The following GRK3 variants were observed in gnomAD, a reference collection of about 807,000 sequenced individuals.
GRK3 encodes G protein-coupled receptor kinase 3, also known as adrenergic, beta, receptor kinase 2.
In GRK3, 54 loss-of-function variants were observed where a neutral mutation model predicts 95.7. The observed-to-expected ratio is 0.56, with a 90% confidence interval of 0.45 to 0.71. The LOEUF is 0.71. Among genes scored for constraint, GRK3 ranks in the 30% least tolerant of loss-of-function variants. The pLI, the probability that GRK3 is intolerant of heterozygous loss-of-function variation, is 0.00. For synonymous variants in GRK3, 281 were observed against 290.8 expected, an observed-to-expected ratio of 0.97 and a Z score of 0.34; for missense variants, 649 against 851.2, an observed-to-expected ratio of 0.76 and a Z score of 2.96.
rs2146484690 is a variant in GRK3, at chr22:25,727,065, A to T, written c.*4615A>T. ...ACAAATCCACTGAAGTCCTGGTAAA[A>T]CTGTCAAGAGTAACAGGCCTCTTCT... On this transcript the variant is annotated 3_prime_UTR_variant, in exon 21 of 21. Transcript: ENST00000324198. 6.6e-6 allele frequency: 1 copy of T among 152,182 alleles called. No homozygotes were observed. Among genetic ancestry groups the T allele is most frequent in the African/African-American group, 2.4e-5 (1 of 41,464 alleles). 9.4% of individuals were successfully genotyped at this position (152,182 alleles called of 1,614,324 possible).
chr22:25,674,824 C>CTA, intron 8 of GRK3, among the ~76,000 whole-genome samples: 1 of 152,230 alleles, frequency 6.6e-6, no homozygotes, highest in African/African-American at 2.4e-5. Context: ...TGGCGGGCGC[C>CTA]TATAGTCCCA....
At chr22:25,611,053 G>T (rs1005933850) in intron 2 of GRK3, among the ~76,000 whole-genome samples, 2 of 152,122 alleles carry the variant, frequency 1.3e-5, no homozygotes, top group Non-Finnish European at 2.9e-5. Context: ...GTAGAGACAA[G>T]GTCTCACTAT....
At chr22:25,716,909 C>A (rs1030672490) in intron 18 of GRK3, among the ~76,000 whole-genome samples, 2 of 152,164 alleles carry the variant, frequency 1.3e-5, no homozygotes, top group Non-Finnish European at 1.5e-5. Context: ...GGATTGCAAA[C>A]CCTATCATGA....
At chr22:25,609,399 T>C (rs1350784326) in intron 2 of GRK3, among the ~76,000 whole-genome samples, 4 of 152,088 alleles carry the variant, frequency 2.6e-5, no homozygotes, top group Non-Finnish European at 5.9e-5. Flanking sequence ...TGGTACAATC[T>C]TGGCTCACTG....
intron 2 of GRK3, among the ~76,000 whole-genome samples, chr22:25,634,833 G>T (rs888270060): frequency 6.6e-6 from 1 of 152,076 alleles, no homozygotes; most frequent in Non-Finnish European, 1.5e-5. Context: ...CCAAATTTCA[G>T]TTATTTTTCT....
chr22:25,652,731 C>T (rs972988064), intron 3 of GRK3, among the ~76,000 whole-genome samples: 8 of 151,858 alleles, frequency 5.3e-5, no homozygotes, highest in African/African-American at 1.9e-4. Context: ...AACAAAAGAC[C>T]ACGTATATGA....
At chr22:25,631,433 T>G (rs2038068374) in intron 2 of GRK3, among the ~76,000 whole-genome samples, 1 of 152,228 alleles carries the variant, frequency 6.6e-6, no homozygotes, top group Non-Finnish European at 1.5e-5. Context: ...GGCTGGCTTC[T>G]AGAAATTTTA....
intron 2 of GRK3, among the ~76,000 whole-genome samples, chr22:25,622,878 G>A (rs1238780632): frequency 2.0e-5 from 3 of 152,158 alleles, no homozygotes; most frequent in Admixed American, 6.6e-5. Flanking sequence ...CCATAGTTTG[G>A]GGGTAAGTGT....
At position 25,678,913 on chromosome 22, in the gene GRK3, GGAGT is replaced by G. The variant is rs2085053280; in HGVS notation, c.746_747+2del. On this transcript the variant is annotated splice_donor_variant and coding_sequence_variant, in exon 9 of 21. Transcript: ENST00000324198. LOFTEE classifies it high-confidence loss of function. ...AATCATGTTGTCTCTTGTCAGCACA[GGAGT>G]AAGTATTCAATTTCCAGCATTTCTT... 1 of 1,534,850 alleles carries G rather than the reference GGAGT, an allele frequency of 6.5e-7. No homozygotes were observed.
chr22:25,598,520 T>C (rs749945534), intron 1 of GRK3, among the ~76,000 whole-genome samples: 10 of 151,482 alleles, frequency 6.6e-5, no homozygotes, highest in Non-Finnish European at 1.2e-4. Flanking sequence ...AAAAAAATTT[T>C]AAAAATTAGC....
rs1323683589 is a variant in GRK3, at chr22:25,644,636, G to A, written c.235G>A (p.Ala79Thr). Residue 79 changes from alanine (A) to threonine (T), a missense_variant, in exon 3 of 21, where the codon GCT (alanine) becomes ACT (threonine). Physicochemically the swap from Ala to Thr is moderately conservative, Grantham distance 58. Around this residue, in one of 3 missense-constraint regions of GRK3, gnomAD observed 206 missense variants for 231.4 expected, o/e 0.89. Coordinates refer to ENST00000324198, the MANE Select transcript of GRK3 (RefSeq NM_005160.4). Reference protein sequence around the residue: ...KDFCLNEINEAVPQVKFYEEI... With the variant: ...KDFCLNEINETVPQVKFYEEI... ...TTTTTGTTTGAATGAAATTAATGAA[G>A]CTGTACCTCAGGTGAAGTTTTATGA... is the stretch of plus-strand genomic sequence containing the variant. 6.3e-7 allele frequency: 1 copy of A among 1,575,778 alleles called. No individual in the cohort carries two copies. Among genetic ancestry groups the A allele is most frequent in the Non-Finnish European group, 8.7e-7 (1 of 1,150,838 alleles).
At position 25,645,749 on chromosome 22, in the gene GRK3, C is replaced by T. The variant is rs182210715; in HGVS notation, c.264+1084C>T. On this transcript the variant is annotated intron_variant, in intron 3 of 20. Transcript: ENST00000324198. ...CATCCTGGCTAACATGGTGAAACCC[C>T]GTCTCTACTAAAATACAAAAAATTA... Among the ~76,000 whole-genome samples, 1,305 of 152,062 alleles carry T rather than the reference C, an allele frequency of 8.6e-3. 26 individuals carry two copies. The highest frequency in any genetic ancestry group is 0.03 in the African/African-American group (1,228 of 41,456).
Position 25,659,608 on chromosome 22 carries a change from C to T in GRK3, c.265-1968C>T, listed in dbSNP as rs528261321. Among the ~76,000 whole-genome samples, 7 of 152,274 alleles carry T rather than the reference C, an allele frequency of 4.6e-5. No homozygotes were observed. In the South Asian group the frequency reaches 8.3e-4, roughly 18 times the overall value. ...CAGGTTACCTGGACAACCAAACTTCCGGGGTCAGAGATGGCATTTGCTATG... is the reference window on the plus strand; with the variant it reads ...CAGGTTACCTGGACAACCAAACTTCTGGGGTCAGAGATGGCATTTGCTATG... On this transcript the variant is annotated intron_variant, in intron 3 of 20. Transcript: ENST00000324198.
intron 1 of GRK3, among the ~76,000 whole-genome samples, chr22:25,570,937 A>G (rs928608242): frequency 6.6e-6 from 1 of 152,178 alleles, no homozygotes; most frequent in African/African-American, 2.4e-5. Context: ...CACATATTTG[A>G]ATACTTTCTA....
At chr22:25,579,283 A>G (rs1172942375) in intron 1 of GRK3, among the ~76,000 whole-genome samples, 1 of 150,792 alleles carries the variant, frequency 6.6e-6, no homozygotes, top group Non-Finnish European at 1.5e-5. Flanking sequence ...CATAGCTGGG[A>G]CTAAGGGCAC....
chr22:25,650,522 A>G (rs2084822859), intron 3 of GRK3, among the ~76,000 whole-genome samples: 3 of 152,200 alleles, frequency 2.0e-5, no homozygotes, highest in African/African-American at 7.2e-5. Context: ...CAGATCAGGG[A>G]CTTGAATGCA....
rs2085127001 is a variant in GRK3, at chr22:25,687,683, A to G, written c.957+16A>G. On this transcript the variant is annotated intron_variant, in intron 11 of 20. Coordinates refer to ENST00000324198, the MANE Select transcript of GRK3 (RefSeq NM_005160.4). ...AGATTTGAAGGTGAGGACGATTGACAGACTCATTCTGCATAGTAGGTATTG... is the reference window on the plus strand; with the variant it reads ...AGATTTGAAGGTGAGGACGATTGACGGACTCATTCTGCATAGTAGGTATTG... 6.2e-7 allele frequency: 1 copy of G among 1,613,874 alleles called. No homozygotes were observed. The highest frequency in any genetic ancestry group is 8.5e-7 in the Non-Finnish European group (1 of 1,179,916).
chr22:25,721,911 T>A (rs2085435574), intron 20 of GRK3, among the ~76,000 whole-genome samples: 1 of 152,216 alleles, frequency 6.6e-6, no homozygotes. Context: ...TTTACTAACA[T>A]CAGTACTACA....
intron 15 of GRK3, among the ~76,000 whole-genome samples, chr22:25,707,810 A>C (rs992233417): frequency 1.3e-5 from 2 of 152,168 alleles, no homozygotes; most frequent in Non-Finnish European, 2.9e-5. Flanking sequence ...GCAGGTGGGC[A>C]GGACTAGAGG....
Sources: allele counts gnomAD v4.1 joint callset (sites outside exome capture counted in the v4.1 genomes callset), GRCh38; gene constraint gnomAD v4.1.1; regional missense constraint gnomAD v4.1.1; transcripts MANE v1.5; gene names NCBI Gene and HGNC (gene_info 2026-07-23, HGNC 2026-07-21).